GLI1: variants seen among roughly 807,000 people sequenced by gnomAD.
GLI1 encodes GLI family zinc finger 1.
A neutral mutation model predicts 87.8 loss-of-function variants in GLI1; 51 were observed. The observed-to-expected ratio is 0.58, with a 90% CI of 0.46 to 0.73. The LOEUF is 0.73. GLI1 is among the 30% of genes least tolerant of loss of function. The pLI is 0.00. For missense variants in GLI1, 1,292 were observed against 1,437.2 expected, an observed-to-expected ratio of 0.90 and a Z score of 1.63; for synonymous variants, 528 against 558.2, an observed-to-expected ratio of 0.95 and a Z score of 0.76.
At chr12:57,460,817 T>A (rs1220721138) in intron 1 of GLI1, among the ~76,000 whole-genome samples, 2 of 151,954 alleles carry the variant, frequency 1.3e-5, no homozygotes, top group Non-Finnish European at 2.9e-5. Context: ...GGCCCTAGAA[T>A]GACCCCATGC....
At position 57,467,546 on chromosome 12, in the gene GLI1, A is replaced by G. The variant is rs867097587; in HGVS notation, c.1077+49A>G. 3 of 1,461,570 alleles carry G rather than the reference A, an allele frequency of 2.1e-6. No individual in the cohort carries two copies. In the Middle Eastern group the frequency reaches 5.8e-4, roughly 284 times the overall value. The allele number at this position is 1,461,570 out of a possible 1,614,324, so 90.5% of individuals were successfully genotyped here. On this transcript the variant is annotated intron_variant, in intron 9 of 11. Coordinates refer to ENST00000228682, the MANE Select transcript of GLI1 (RefSeq NM_005269.3). The stretch of plus-strand genomic sequence containing the variant: ...CTCCCCTCTTGAGAAGCCACCTACC[A>G]GGGAGATTCCCCCATAAGAAATCCC...
At chr12:57,463,856 C>A in intron 2 of GLI1, 65 bp downstream of exon 2, 1 of 1,098,426 alleles carries the variant, frequency 9.1e-7, no homozygotes, top group Non-Finnish European at 1.4e-6. Context: ...GGCCCACCCC[C>A]ACCCCATGCC....
rs747277465 is a variant in GLI1, at chr12:57,465,899, T to G, written c.736T>G (p.Phe246Val). 1.2e-6 allele frequency: 2 copies of G among 1,614,062 alleles called. No individual in the cohort carries two copies. The highest frequency in any genetic ancestry group is 1.7e-6 in the Non-Finnish European group (2 of 1,179,928). ...DCRWDGCSQE[F>V]DSQEQLVHHI... ...CCGTTGGGATGGCTGCAGCCAGGAA[T>G]TTGACTCCCAAGAGCAGCTGGTGCA... The change falls in exon 7 of 12, where the codon TTT becomes GTT. Residue 246 changes from phenylalanine to valine, a missense_variant. By Grantham distance (50) the Phe-to-Val change is conservative. Around this residue, in one of 3 missense-constraint regions of GLI1, gnomAD observed 383 missense variants for 368.4 expected, o/e 1.04. Transcript: ENST00000228682.
chr12:57,462,406 ACCCACCGCGCCGGCCGGCCCGGC>A (rs1555326342), intron 1 of GLI1, among the ~76,000 whole-genome samples: 1 of 149,650 alleles, frequency 6.7e-6, no homozygotes, highest in Non-Finnish European at 1.5e-5. Flanking sequence ...TCCCGGGATC[ACCCACCGCGCCGGCCGGCCCGGC>A]CCGCTCCCGG....
Position 57,470,912 on chromosome 12 carries a change from C to G in GLI1, c.2172C>G (p.Phe724Leu). Residue 724 changes from phenylalanine to leucine, a missense_variant, in exon 12 of 12, where the codon TTC (phenylalanine) becomes TTG (leucine). Coordinates refer to ENST00000228682, the MANE Select transcript of GLI1 (RefSeq NM_005269.3). ...VGSGLNPYMD[F>L]PPTDTLGYGG... is the part of the protein sequence containing the mutation. ...GTGGTCTGAACCCCTATATGGACTT[C>G]CCACCTACTGATACTCTGGGATATG... 4 of 1,613,910 alleles carry G rather than the reference C, an allele frequency of 2.5e-6. No individual in the cohort carries two copies. The highest frequency in any genetic ancestry group is 3.4e-6 in the Non-Finnish European group (4 of 1,179,892).
At chr12:57,467,972 G>GTCTCCAC in intron 9 of GLI1, 22 bp from the exon 10 acceptor site, 1 of 1,558,426 alleles carries the variant, frequency 6.4e-7, no homozygotes, top group South Asian at 1.1e-5. Context: ...TTTGCCTTCT[G>GTCTCCAC]TCTCCACTCT....
Position 57,465,108 on chromosome 12 carries a change from C to G in GLI1, c.390-3C>G. On this transcript the variant is annotated splice_region_variant and splice_polypyrimidine_tract_variant and intron_variant, in intron 4 of 11. Transcript: ENST00000228682. ...TTAAGTAACTGCCTCCTCTCCTCCT[C>G]AGCCCATCTCTGGGATTCCCAGCCC... is the stretch of plus-strand genomic sequence containing the variant. 6.2e-7 allele frequency: 1 copy of G among 1,613,954 alleles called. No individual in the cohort carries two copies. The highest frequency in any genetic ancestry group is 8.5e-7 in the Non-Finnish European group (1 of 1,179,762).
chr12:57,466,861 G>A (rs569756787), intron 8 of GLI1, among the ~76,000 whole-genome samples: 9 of 152,148 alleles, frequency 5.9e-5, no homozygotes, highest in East Asian at 3.9e-4. Context: ...CTGAGATGGC[G>A]CCACTGCACT....
chr12:57,471,567 G>A lies in GLI1; in HGVS notation c.2827G>A (p.Ala943Thr). 1 of 1,613,822 alleles carries A rather than the reference G, an allele frequency of 6.2e-7. No individual in the cohort carries two copies. Among genetic ancestry groups the A allele is most frequent in the South Asian group, 1.1e-5 (1 of 91,076 alleles). The change falls in exon 12 of 12, where the codon GCT (alanine) becomes ACT (threonine). Residue 943 changes from alanine (A) to threonine (T), a missense_variant. By Grantham distance (58) the Ala-to-Thr change is moderately conservative (BLOSUM62 0). Coordinates refer to ENST00000228682, the MANE Select transcript of GLI1 (RefSeq NM_005269.3). The surrounding 1 kb of genome is among the most constrained non-coding windows in gnomAD (Gnocchi z 4.9). ...CCAGGTTAGCCCAAGCCGTGCTAAA[G>A]CTCCAGTGAACACATATGGACCTGG... is the stretch of plus-strand genomic sequence containing the variant. ...GSQVSPSRAKAPVNTYGPGFG... is the reference protein window; with the variant it reads ...GSQVSPSRAKTPVNTYGPGFG...
chr12:57,464,206 C>T (rs767579463), intron 3 of GLI1, 115 bp downstream of exon 3: 14 of 764,516 alleles, frequency 1.8e-5, no homozygotes, highest in South Asian at 3.0e-5. Flanking sequence ...AGATGTGAGG[C>T]GTCAGAGCAC....
Position 57,470,331 on chromosome 12 carries a change from C to A in GLI1, c.1591C>A (p.Arg531Ser). 1 of 1,569,026 alleles carries A rather than the reference C, an allele frequency of 6.4e-7. No individual in the cohort carries two copies. The change falls in exon 12 of 12, where the codon CGC (arginine) becomes AGC (serine). Residue 531 changes from arginine to serine, a missense_variant. Transcript: ENST00000228682. ...ATCACTTGCAGGTACCACTGTGTCC[C>A]GCCGCGTGGGCCCCCCAGTCTCTCT... ...SLSHTGTTVS[R>S]RVGPPVSLER... is the part of the protein sequence containing the mutation.
chr12:57,469,437 C>G lies in GLI1; in HGVS notation c.1315C>G (p.Gln439Glu). The G allele has an allele frequency of 6.2e-7, 1 of 1,613,654 alleles. No homozygotes were observed. Among genetic ancestry groups the G allele is most frequent in the Non-Finnish European group, 8.5e-7 (1 of 1,179,946 alleles). The change falls in exon 11 of 12, where the codon CAG becomes GAG. Residue 439 changes from glutamine to glutamate, a missense_variant. By Grantham distance (29) the Gln-to-Glu change is conservative (BLOSUM62 2). This residue lies in a region of GLI1 where 897 missense variants were observed against 1,040.7 expected (regional missense o/e 0.86). Transcript: ENST00000228682. Reference protein sequence around the residue: ...LTVPEGAMKPQPSPGAQSSCS... With the variant: ...LTVPEGAMKPEPSPGAQSSCS... ...GACCTCATCTTCTCCACAGAAGCCA[C>G]AGCCAAGCCCTGGGGCCCAGTCATC...
Position 57,470,743 on chromosome 12 carries a change from C to T in GLI1, c.2003C>T (p.Thr668Ile), listed in dbSNP as rs775875244. 15 of 1,613,228 alleles carry T rather than the reference C, an allele frequency of 9.3e-6. No homozygotes were observed. The Admixed American group carries it at 2.0e-4, about 22-fold the overall frequency. The stretch of plus-strand genomic sequence containing the variant: ...CTGGGCTGTGTCCATACCCCACCCA[C>T]TGTGGCAGGGGGAGGACAGAACTTT... ...KSLGCVHTPPTVAGGGQNFDP... is the reference protein window; with the variant it reads ...KSLGCVHTPPIVAGGGQNFDP... Residue 668 changes from threonine to isoleucine, a missense_variant, in exon 12 of 12, where the codon ACT becomes ATT. Thr to Ile is a moderately conservative substitution (Grantham distance 89, BLOSUM62 -1). Transcript: ENST00000228682.
In GLI1 at chr12:57,465,934, CA is replaced by C. The variant is rs1226571451; in HGVS notation, c.762+10del. ...AAGAGCAGCTGGTGCACGTGAGCCC[CA>C]GGGGGTAACAGGAATGGCTAGCCAG... On this transcript the variant is annotated intron_variant, in intron 7 of 11. Coordinates refer to ENST00000228682, the MANE Select transcript of GLI1 (RefSeq NM_005269.3). 6.2e-7 allele frequency: 1 copy of C among 1,612,196 alleles called. No individual in the cohort carries two copies. The highest frequency in any genetic ancestry group is 1.1e-5 in the South Asian group (1 of 90,990).
chr12:57,461,128 C>A (rs1369736562), intron 1 of GLI1, among the ~76,000 whole-genome samples: 2 of 152,170 alleles, frequency 1.3e-5, no homozygotes, highest in East Asian at 3.9e-4. Flanking sequence ...CAGCACTGGG[C>A]AGCTAGCTTT....
chr12:57,464,133 T>C, intron 3 of GLI1, 42 bp downstream of exon 3: 1 of 1,264,892 alleles, frequency 7.9e-7, no homozygotes, highest in East Asian at 2.3e-5. Flanking sequence ...TGCCCCTCTC[T>C]GACTTGTTCT....
chr12:57,461,904 C>G (rs544533931), intron 1 of GLI1, among the ~76,000 whole-genome samples: 1 of 152,334 alleles, frequency 6.6e-6, no homozygotes, highest in African/African-American at 2.4e-5. Context: ...AGCTCCCTGT[C>G]CCATCCCGAA....
rs1209779397 is a variant in GLI1 at position 57,460,868 on chromosome 12, T to C, written c.-28+667T>C. On this transcript the variant is annotated intron_variant, in intron 1 of 11. Coordinates refer to ENST00000228682, the MANE Select transcript of GLI1 (RefSeq NM_005269.3). Reference sequence around the variant, plus strand: ...GTCCCAAGGGCTGTGGGCAAGGAGCTCAGGAGGAGCCGGGGAGACCTTGTC... The same window carrying C: ...GTCCCAAGGGCTGTGGGCAAGGAGCCCAGGAGGAGCCGGGGAGACCTTGTC... Among the ~76,000 whole-genome samples the C allele has an allele frequency of 3.3e-5, 5 of 152,012 alleles. No homozygotes were observed. In the East Asian group the frequency reaches 9.7e-4, roughly 29 times the overall value.
At chr12:57,468,790 T>C in intron 10 of GLI1, among the ~76,000 whole-genome samples, 1 of 152,152 alleles carries the variant, frequency 6.6e-6, no homozygotes, top group East Asian at 1.9e-4. Context: ...AGTCTCGCTC[T>C]GTTGCCCAGG....
Sources: gnomAD v4.1 joint callset for allele counts (sites outside exome capture counted in the v4.1 genomes callset) on GRCh38, gnomAD v4.1.1 for gene constraint, gnomAD v4.1.1 regional missense constraint, Gnocchi (gnomAD v3.1) non-coding constraint, MANE v1.5 for transcripts, NCBI Gene and HGNC (gene_info 2026-07-23, HGNC 2026-07-21) for gene names.